The following SLAIN1 variants were observed in gnomAD, a reference collection of about 807,000 sequenced individuals.
The protein encoded by SLAIN1 is SLAIN motif-containing protein 1.
In SLAIN1, 17 loss-of-function variants were observed where a neutral mutation model predicts 55.4. The observed-to-expected ratio is 0.31, with a 90% confidence interval of 0.21 to 0.46. The LOEUF (loss-of-function observed/expected upper bound fraction) is 0.46. Among genes scored for constraint, SLAIN1 ranks in the 20% least tolerant of loss-of-function variants. SLAIN1 has a pLI of 1.00. For missense variants in SLAIN1, 682 were observed against 785.1 expected (o/e 0.87, Z 1.57); for synonymous variants, 348 against 337.4 (o/e 1.03, Z -0.35).
intron 5 of SLAIN1, among the ~76,000 whole-genome samples, chr13:77,753,852 A>C (rs1203147922): frequency 6.6e-6 from 1 of 151,902 alleles, no homozygotes; most frequent in Non-Finnish European, 1.5e-5. Flanking sequence ...TTCCCCCTAA[A>C]TGAAGTTATA....
intron 1 of SLAIN1, among the ~76,000 whole-genome samples, chr13:77,707,138 A>G (rs534116636): frequency 1.3e-5 from 2 of 151,256 alleles, no homozygotes; most frequent in East Asian, 3.9e-4. Context: ...CTTTTTTTTA[A>G]GAACTTGTAA....
chr13:77,701,343 T>C (rs1316654907), intron 1 of SLAIN1, among the ~76,000 whole-genome samples: 1 of 152,210 alleles, frequency 6.6e-6, no homozygotes, highest in African/African-American at 2.4e-5. Context: ...AACCTTAGAA[T>C]ACATTATTTT....
chr13:77,760,822 T>C lies in SLAIN1; in HGVS notation c.1415-6T>C. 1 of 1,612,318 alleles carries C rather than the reference T, an allele frequency of 6.2e-7. No homozygotes were observed. The highest frequency in any genetic ancestry group is 8.5e-7 in the Non-Finnish European group (1 of 1,179,272). Reference sequence around the variant, plus strand: ...TTGCTCACATGAATATCATTTTCTCTTCTAGTTCCATCACCGGGACAGCTT... The same window carrying C: ...TTGCTCACATGAATATCATTTTCTCCTCTAGTTCCATCACCGGGACAGCTT... On this transcript the variant is annotated splice_region_variant and splice_polypyrimidine_tract_variant and intron_variant, in intron 5 of 6. Coordinates refer to ENST00000418532, the MANE Select transcript of SLAIN1 (RefSeq NM_001242868.2).
At chr13:77,706,432 C>T (rs1045911042) in intron 1 of SLAIN1, among the ~76,000 whole-genome samples, 2 of 152,106 alleles carry the variant, frequency 1.3e-5, no homozygotes, top group South Asian at 2.1e-4. Context: ...GAAATTATTT[C>T]CCCAAACACG....
chr13:77,713,574 G>A (rs1013273930), intron 1 of SLAIN1, among the ~76,000 whole-genome samples: 2 of 152,222 alleles, frequency 1.3e-5, no homozygotes, highest in African/African-American at 4.8e-5. Context: ...CTGTTGGTGG[G>A]AGTGTAAATT....
At position 77,698,246 on chromosome 13, in the gene SLAIN1, TA is replaced by T; in HGVS notation, c.334del (p.Ser112ValfsTer87). 1 of 1,379,148 alleles carries T rather than the reference TA, an allele frequency of 7.3e-7. No individual in the cohort carries two copies. Among genetic ancestry groups the T allele is most frequent in the Non-Finnish European group, 9.4e-7 (1 of 1,061,130 alleles). The allele number at this position is 1,379,148 out of a possible 1,614,324, so 85.4% of individuals were successfully genotyped here. A position where few individuals can be genotyped will look rare whatever the true frequency, so the allele number is the denominator to read the frequency against. ...LGAGGGGGSG[S>X]GSGGGSSPAF... ...GCGCGGGGGGCGGTGGCGGCAGCGGTAGTGGCAGCGGCGGTGGCTCCAGCCC... is the reference window on the plus strand; with the variant it reads ...GCGCGGGGGGCGGTGGCGGCAGCGGTGTGGCAGCGGCGGTGGCTCCAGCCC... On this transcript the variant is annotated frameshift_variant, in exon 1 of 7. Transcript: ENST00000418532. LOFTEE classifies it high-confidence loss of function. This position sits in a 1 kb window ranked among gnomAD's most constrained non-coding sequence, Gnocchi z 4.1.
chr13:77,750,408 A>G (rs1348607024), intron 4 of SLAIN1, among the ~76,000 whole-genome samples: 1 of 152,130 alleles, frequency 6.6e-6, no homozygotes, highest in Non-Finnish European at 1.5e-5. Flanking sequence ...TGTATTGGAA[A>G]TATGTATAGT....
chr13:77,719,775 T>C, intron 2 of SLAIN1, 104 bp downstream of exon 2: 3 of 1,304,472 alleles, frequency 2.3e-6, no homozygotes, highest in Non-Finnish European at 3.2e-6. Flanking sequence ...ATTCTTACCC[T>C]GAGGTGCAGC....
chr13:77,719,778 G>A, intron 2 of SLAIN1, 107 bp downstream of exon 2: 1 of 1,267,546 alleles, frequency 7.9e-7, no homozygotes, highest in Non-Finnish European at 1.1e-6. Context: ...CTTACCCTGA[G>A]GTGCAGCTGT....
chr13:77,762,598 C>T (rs1395517268), intron 6 of SLAIN1, among the ~76,000 whole-genome samples: 2 of 152,164 alleles, frequency 1.3e-5, no homozygotes, highest in Middle Eastern at 6.8e-3. Flanking sequence ...CAAGGTCTTG[C>T]TATGTTGCCC....
chr13:77,734,565 A>G (rs998538473), intron 2 of SLAIN1, among the ~76,000 whole-genome samples: 2 of 152,160 alleles, frequency 1.3e-5, no homozygotes, highest in African/African-American at 4.8e-5. Flanking sequence ...CAACTGAGCA[A>G]AGACTAAGTC....
At position 77,750,330 on chromosome 13, in the gene SLAIN1, G is replaced by C. The variant is rs181110342; in HGVS notation, c.1259-2873G>C. ...GAGAGAGATTTTAAAAAGAAATATA[G>C]AAGCTCAATTAATTTTCTCAATAGC... On this transcript the variant is annotated intron_variant, in intron 4 of 6. Coordinates refer to ENST00000418532, the MANE Select transcript of SLAIN1 (RefSeq NM_001242868.2). Among the ~76,000 whole-genome samples the C allele has an allele frequency of 4.0e-3, 614 of 152,190 alleles. 16 individuals are homozygous for C. Among genetic ancestry groups the C allele is most frequent in the Admixed American group, 0.037 (567 of 15,276 alleles).
intron 1 of SLAIN1, among the ~76,000 whole-genome samples, chr13:77,713,207 A>G (rs1005920533): frequency 7.9e-5 from 12 of 152,236 alleles, no homozygotes; most frequent in Admixed American, 2.6e-4. Context: ...AAAATTGACA[A>G]ATGGGATCTA....
chr13:77,699,061 C>G, intron 1 of SLAIN1: 1 of 1,531,724 alleles, frequency 6.5e-7, no homozygotes, highest in Non-Finnish European at 8.7e-7. Flanking sequence ...TAGAGAGGTT[C>G]GTTCTTGCTG....
At chr13:77,723,400 G>A (rs905399478) in intron 2 of SLAIN1, among the ~76,000 whole-genome samples, 7 of 152,226 alleles carry the variant, frequency 4.6e-5, no homozygotes, top group African/African-American at 7.2e-5. Context: ...TAAAAGAAAC[G>A]AATATTTCTG....
Position 77,727,572 on chromosome 13 carries a change from G to A in SLAIN1, c.766+7901G>A, listed in dbSNP as rs181925580. 1.1e-4 allele frequency among the ~76,000 whole-genome samples: 16 copies of A among 151,842 alleles called. No homozygotes were observed. The East Asian group carries it at 3.1e-3, about 29-fold the overall frequency. On this transcript the variant is annotated intron_variant, in intron 2 of 6. Transcript: ENST00000418532. ...GTGTTCATTAAAGTGTTAGTTCTGAGCGTGGGGGTTTCAGTCTGTTTTGTT... is the reference window on the plus strand; with the variant it reads ...GTGTTCATTAAAGTGTTAGTTCTGAACGTGGGGGTTTCAGTCTGTTTTGTT...
intron 2 of SLAIN1, among the ~76,000 whole-genome samples, chr13:77,737,792 T>G (rs1339312403): frequency 1.3e-5 from 2 of 151,602 alleles, no homozygotes; most frequent in African/African-American, 4.9e-5. Context: ...TTACTGCACT[T>G]ACAATATGAC....
chr13:77,760,837 C>T lies in SLAIN1; in HGVS notation c.1424C>T (p.Pro475Leu), dbSNP rs144133289. 1.9e-5 allele frequency: 31 copies of T among 1,613,134 alleles called. No individual in the cohort carries two copies. Among genetic ancestry groups the T allele is most frequent in the East Asian group, 2.2e-5 (1 of 44,878 alleles). Residue 475 changes from proline (P) to leucine (L), a missense_variant, in exon 6 of 7, where the codon CCG becomes CTG. By Grantham distance (98) the Pro-to-Leu change is moderately conservative (BLOSUM62 -3). Around this residue, in one of 3 missense-constraint regions of SLAIN1, gnomAD observed 244 missense variants for 295.2 expected, o/e 0.83. Coordinates refer to ENST00000418532, the MANE Select transcript of SLAIN1 (RefSeq NM_001242868.2). Reference protein sequence around the residue: ...ISRIQSCIPSPGQLQHRVHSV... With the variant: ...ISRIQSCIPSLGQLQHRVHSV... ...TCATTTTCTCTTCTAGTTCCATCACCGGGACAGCTTCAACACAGGGTCCAC... is the reference window on the plus strand; with the variant it reads ...TCATTTTCTCTTCTAGTTCCATCACTGGGACAGCTTCAACACAGGGTCCAC...
intron 1 of SLAIN1, among the ~76,000 whole-genome samples, chr13:77,716,723 G>T (rs1222123067): frequency 1.3e-5 from 2 of 151,950 alleles, no homozygotes; most frequent in Non-Finnish European, 2.9e-5. Context: ...CATCAATCTG[G>T]TATCTTACAA....
Sources: gnomAD v4.1 joint callset for allele counts (sites outside exome capture counted in the v4.1 genomes callset) on GRCh38, gnomAD v4.1.1 for gene constraint, gnomAD v4.1.1 regional missense constraint, Gnocchi (gnomAD v3.1) non-coding constraint, MANE v1.5 for transcripts, NCBI Gene and HGNC (gene_info 2026-07-23, HGNC 2026-07-21) for gene names.